The following UNC5D variants were observed in gnomAD, a reference collection of about 807,000 sequenced individuals.
UNC5D encodes unc-5 netrin receptor D.
UNC5D carries 39 observed loss-of-function variants against 105.4 expected under a neutral mutation model. The observed-to-expected ratio is 0.37, with a 90% CI of 0.29 to 0.48. UNC5D has a LOEUF of 0.48. Ranked by LOEUF, UNC5D falls within the 20% of genes least tolerant of loss-of-function variation. The pLI is 0.98. For missense variants in UNC5D, 991 were observed against 1,202.4 expected (o/e 0.82, Z 2.60); for synonymous variants, 452 against 450.4 (o/e 1.00, Z -0.04).
At chr8:35,690,028 T>A (rs1826279012) in intron 7 of UNC5D, among the ~76,000 whole-genome samples, 1 of 152,228 alleles carries the variant, frequency 6.6e-6, no homozygotes, top group African/African-American at 2.4e-5. Flanking sequence ...AATACCCCCA[T>A]GAGTTGAAAA....
At chr8:35,323,943 T>C (rs1809947316) in intron 1 of UNC5D, among the ~76,000 whole-genome samples, 1 of 152,078 alleles carries the variant, frequency 6.6e-6, no homozygotes, top group Admixed American at 6.6e-5. Flanking sequence ...ATAAGAATGA[T>C]GTTTGACTGG....
chr8:35,309,160 C>T (rs1355991563), intron 1 of UNC5D, among the ~76,000 whole-genome samples: 5 of 152,142 alleles, frequency 3.3e-5, no homozygotes, highest in Non-Finnish European at 1.5e-5. Context: ...AATGCCCCCA[C>T]ATTTTTTTTG....
intron 1 of UNC5D, among the ~76,000 whole-genome samples, chr8:35,308,823 A>T (rs1273568355): frequency 6.6e-6 from 1 of 152,026 alleles, no homozygotes; most frequent in Non-Finnish European, 1.5e-5. Flanking sequence ...GCATTAATAC[A>T]TTTGCTTGCC....
intron 8 of UNC5D, among the ~76,000 whole-genome samples, chr8:35,717,900 G>T (rs1273122245): frequency 6.6e-6 from 1 of 152,162 alleles, no homozygotes; most frequent in African/African-American, 2.4e-5. Context: ...AGGCTCCCTT[G>T]TCTTCAGGCC....
chr8:35,637,954 T>C (rs1196233292), intron 4 of UNC5D, among the ~76,000 whole-genome samples: 1 of 152,146 alleles, frequency 6.6e-6, no homozygotes. Flanking sequence ...ATGTTTCTGA[T>C]TCTGGACTAG....
intron 11 of UNC5D, among the ~76,000 whole-genome samples, chr8:35,732,806 G>T (rs1229260721): frequency 6.6e-6 from 1 of 152,006 alleles, no homozygotes; most frequent in Non-Finnish European, 1.5e-5. Context: ...CATCACATGA[G>T]AACCAACTTA....
At chr8:35,714,517 G>T (rs1260684754) in intron 8 of UNC5D, among the ~76,000 whole-genome samples, 1 of 152,136 alleles carries the variant, frequency 6.6e-6, no homozygotes, top group East Asian at 1.9e-4. Context: ...AGGAAAAAGG[G>T]CCAAGAACTG....
At chr8:35,451,708 C>T (rs913015629) in intron 1 of UNC5D, among the ~76,000 whole-genome samples, 6 of 152,084 alleles carry the variant, frequency 3.9e-5, no homozygotes, top group African/African-American at 1.4e-4. Context: ...TGATGCTGTC[C>T]TCTGATTACT....
intron 3 of UNC5D, among the ~76,000 whole-genome samples, chr8:35,571,435 A>G (rs1425512668): frequency 1.3e-5 from 2 of 152,302 alleles, no homozygotes; most frequent in East Asian, 1.9e-4. Context: ...AAAATTATTT[A>G]TGCAAGTCAA....
intron 4 of UNC5D, among the ~76,000 whole-genome samples, chr8:35,632,013 A>C (rs1822071640): frequency 6.6e-6 from 1 of 152,210 alleles, no homozygotes; most frequent in Non-Finnish European, 1.5e-5. Flanking sequence ...CCGTGCATGC[A>C]TCTGACATTG....
chr8:35,504,056 G>C (rs113134474), intron 1 of UNC5D, among the ~76,000 whole-genome samples: 2 of 152,184 alleles, frequency 1.3e-5, no homozygotes, highest in African/African-American at 2.4e-5. Flanking sequence ...GGGTGGGTGA[G>C]AGGTAAAAAG....
intron 3 of UNC5D, among the ~76,000 whole-genome samples, chr8:35,570,536 T>C (rs1185506818): frequency 6.6e-6 from 1 of 152,164 alleles, no homozygotes; most frequent in Admixed American, 6.5e-5. Flanking sequence ...TTTAAACAAA[T>C]TGAATTAAAA....
intron 3 of UNC5D, among the ~76,000 whole-genome samples, chr8:35,594,268 T>G (rs1563569887): frequency 6.6e-6 from 1 of 152,142 alleles, no homozygotes; most frequent in Non-Finnish European, 1.5e-5. Context: ...AAGAGTAAAA[T>G]TCGGAGGAAA....
rs565882229 is a variant in UNC5D at position 35,705,923 on chromosome 8, T to C, written c.1085-6T>C. 13 of 1,326,812 alleles carry C rather than the reference T, an allele frequency of 9.8e-6. No homozygotes were observed. In the East Asian group the frequency reaches 3.2e-4, roughly 33 times the overall value. 82.2% of individuals were successfully genotyped at this position (1,326,812 alleles called of 1,614,324 possible). Reference sequence around the variant, plus strand: ...AACTTTCTTTTTCTTTCTTTCTTTCTTTTAGATAAAAAACCTCTTCATGAA... The same window carrying C: ...AACTTTCTTTTTCTTTCTTTCTTTCCTTTAGATAAAAAACCTCTTCATGAA... On this transcript the variant is annotated splice_polypyrimidine_tract_variant and splice_region_variant and intron_variant, in intron 7 of 16. Transcript: ENST00000404895.
chr8:35,738,208 A>T (rs1238780777), intron 11 of UNC5D, among the ~76,000 whole-genome samples: 1 of 152,196 alleles, frequency 6.6e-6, no homozygotes, highest in African/African-American at 2.4e-5. Flanking sequence ...CTTCTCAGTA[A>T]CAGCCTGTGT....
At chr8:35,487,091 A>G (rs546954728) in intron 1 of UNC5D, among the ~76,000 whole-genome samples, 1 of 152,214 alleles carries the variant, frequency 6.6e-6, no homozygotes, top group Non-Finnish European at 1.5e-5. Context: ...TAGTCTGGTT[A>G]CTCTACTTAC....
intron 10 of UNC5D, 101 bp downstream of exon 10, chr8:35,726,630 C>T: frequency 2.0e-6 from 3 of 1,518,178 alleles, no homozygotes; most frequent in Non-Finnish European, 2.7e-6. Context: ...TTACTCTCCC[C>T]TCATCAGACC....
At chr8:35,697,819 A>C (rs562949874) in intron 7 of UNC5D, among the ~76,000 whole-genome samples, 56 of 152,148 alleles carry the variant, frequency 3.7e-4, no homozygotes, top group Non-Finnish European at 5.0e-4. Context: ...TAGCATGAGG[A>C]CTAATGAAGC....
At chr8:35,251,507 G>A (rs533385297) in intron 1 of UNC5D, among the ~76,000 whole-genome samples, 1 of 152,294 alleles carries the variant, frequency 6.6e-6, no homozygotes, top group Non-Finnish European at 1.5e-5. Context: ...CTTTGCATGA[G>A]TGAAATTGAA....
Sources: gnomAD v4.1 joint callset for allele counts (sites outside exome capture counted in the v4.1 genomes callset) on GRCh38, gnomAD v4.1.1 for gene constraint, MANE v1.5 for transcripts, NCBI Gene and HGNC (gene_info 2026-07-23, HGNC 2026-07-21) for gene names.